PROSER1: variants seen among roughly 807,000 people sequenced by gnomAD.
PROSER1 encodes the protein proline and serine-rich protein 1.
PROSER1 carries 36 observed loss-of-function variants against 71.8 expected under a neutral mutation model. The observed-to-expected ratio is 0.50, with a 90% CI of 0.38 to 0.66. PROSER1 has a LOEUF of 0.66. PROSER1 is among the 30% of genes least tolerant of loss of function. PROSER1 has a pLI of 0.00. For missense variants in PROSER1, 1,107 were observed against 1,135.0 expected, an observed-to-expected ratio of 0.98 and a Z score of 0.35; for synonymous variants, 490 against 452.4, an observed-to-expected ratio of 1.08 and a Z score of -1.06.
intron 10 of PROSER1, among the ~76,000 whole-genome samples, chr13:39,016,639 T>C (rs1000978094): frequency 1.1e-4 from 16 of 152,170 alleles, no homozygotes; most frequent in African/African-American, 3.9e-4. Context: ...AAGCTGAAAT[T>C]TCCTCAATCT....
chr13:39,014,387 C>T lies in PROSER1; in HGVS notation c.865G>A (p.Val289Ile). Residue 289 changes from valine to isoleucine, a missense_variant, in exon 11 of 13, where the codon GTC becomes ATC. Coordinates refer to ENST00000352251, the MANE Select transcript of PROSER1 (RefSeq NM_025138.5). ...GCTGATGGATGATTAATTGCCTTGA[C>T]TGGGGATGCAGTAGGAACAGGAGTT... Reference protein sequence around the residue: ...AATPVPTASPVKAINHPSASA... With the variant: ...AATPVPTASPIKAINHPSASA... The T allele has an allele frequency of 1.2e-6, 2 of 1,613,968 alleles. No individual in the cohort carries two copies. Among genetic ancestry groups the T allele is most frequent in the South Asian group, 2.2e-5 (2 of 91,056 alleles).
At position 39,012,841 on chromosome 13, in the gene PROSER1, G is replaced by A. The variant is rs763559956; in HGVS notation, c.2411C>T (p.Pro804Leu). The change falls in exon 11 of 13, where the codon CCC becomes CTC. Residue 804 changes from proline to leucine, a missense_variant. Transcript: ENST00000352251. ...SNTPSVTPAL[P>L]SFPGLQAPST... Reference sequence around the variant, plus strand: ...GGGCGCCTGCAGCCCCGGGAATGAGGGAAGAGCAGGGGTAACGCTTGGGGT... The same window carrying A: ...GGGCGCCTGCAGCCCCGGGAATGAGAGAAGAGCAGGGGTAACGCTTGGGGT... 1.9e-6 allele frequency: 3 copies of A among 1,614,184 alleles called. No homozygotes were observed. The highest frequency in any genetic ancestry group is 1.3e-5 in the African/African-American group (1 of 75,046).
intron 9 of PROSER1, 36 bp from the exon 10 acceptor site, chr13:39,017,580 T>C (rs1489128179): frequency 9.0e-7 from 1 of 1,116,258 alleles, no homozygotes; most frequent in South Asian, 1.4e-5. Flanking sequence ...TTTTAAACTT[T>C]AATCAAATAT....
At chr13:39,023,029 T>TA (rs746633520) in intron 8 of PROSER1, 23 bp downstream of exon 8, 60 of 1,585,888 alleles carry the variant, frequency 3.8e-5, no homozygotes, top group Admixed American at 8.6e-5. Context: ...GAAAAACAAG[T>TA]AAAAAATAAG....
intron 6 of PROSER1, among the ~76,000 whole-genome samples, chr13:39,025,215 T>A (rs1870491417): frequency 6.6e-6 from 1 of 152,180 alleles, no homozygotes; most frequent in Non-Finnish European, 1.5e-5. Context: ...ATTTATATTG[T>A]CAAGGGTAAA....
chr13:39,022,975 T>A (rs898468746), intron 8 of PROSER1, 77 bp downstream of exon 8: 6 of 1,257,750 alleles, frequency 4.8e-6, no homozygotes, highest in African/African-American at 3.0e-5. Context: ...GCCAACCACA[T>A]AGACCAGCAT....
intron 12 of PROSER1, 100 bp from the exon 13 acceptor site, chr13:39,011,587 G>T: frequency 8.2e-7 from 1 of 1,224,200 alleles, no homozygotes; most frequent in South Asian, 1.5e-5. Flanking sequence ...GAATAGGAAA[G>T]AAAGACAAGA....
chr13:39,034,106 T>C (rs778582253), intron 2 of PROSER1, 25 bp downstream of exon 2: 1 of 1,504,164 alleles, frequency 6.6e-7, no homozygotes, highest in East Asian at 2.4e-5. Context: ...AAGAAAGCTT[T>C]GTTTAAACAA....
At chr13:39,024,614 T>TA in intron 6 of PROSER1, 58 bp from the exon 7 acceptor site, 1 of 1,230,826 alleles carries the variant, frequency 8.1e-7, no homozygotes, top group Non-Finnish European at 1.1e-6. Context: ...CTCAAACCAG[T>TA]AACAATAACC....
chr13:39,020,969 A>G (rs1297717564), intron 9 of PROSER1, among the ~76,000 whole-genome samples: 1 of 152,198 alleles, frequency 6.6e-6, no homozygotes, highest in Non-Finnish European at 1.5e-5. Flanking sequence ...ATACTTCTCC[A>G]TAGCACGTCA....
chr13:39,015,068 C>T (rs1453047533), intron 10 of PROSER1, among the ~76,000 whole-genome samples: 1 of 152,136 alleles, frequency 6.6e-6, no homozygotes, highest in Admixed American at 6.5e-5. Context: ...CCTTACCTGG[C>T]AACTCCTTTA....
chr13:39,012,503 G>T, intron 11 of PROSER1, 188 bp downstream of exon 11: 1 of 639,782 alleles, frequency 1.6e-6, no homozygotes, highest in Non-Finnish European at 2.7e-6. Context: ...TCCAAACATT[G>T]TATCAACAGG....
intron 5 of PROSER1, among the ~76,000 whole-genome samples, chr13:39,026,848 C>T (rs998563591): frequency 1.1e-4 from 16 of 152,090 alleles, no homozygotes; most frequent in African/African-American, 3.6e-4. Flanking sequence ...GTCCAAAGAC[C>T]TACATACCGT....
At chr13:39,027,711 C>A (rs55717716) in intron 5 of PROSER1, among the ~76,000 whole-genome samples, 10,479 of 152,232 alleles carry the variant, frequency 0.069, 499 homozygotes, top group Non-Finnish European at 0.099. Context: ...AGCTTCCAGA[C>A]ATCGCAATCC....
intron 11 of PROSER1, 67 bp downstream of exon 11, chr13:39,012,624 G>A: frequency 1.6e-6 from 2 of 1,251,300 alleles, no homozygotes; most frequent in Non-Finnish European, 2.2e-6. Flanking sequence ...TTGATGACTT[G>A]AAATGAAATG....
intron 1 of PROSER1, among the ~76,000 whole-genome samples, chr13:39,035,613 T>C (rs540468814): frequency 1.3e-5 from 2 of 152,320 alleles, no homozygotes; most frequent in African/African-American, 2.4e-5. Context: ...CAGTTAACCA[T>C]TGCTTTTTCC....
rs1870377943 is a variant in PROSER1, at chr13:39,023,140, G to A, written c.565-10C>T. The A allele has an allele frequency of 1.2e-6, 2 of 1,603,548 alleles. No individual in the cohort carries two copies. The highest frequency in any genetic ancestry group is 2.2e-5 in the East Asian group (1 of 44,810). The stretch of plus-strand genomic sequence containing the variant: ...TATATGTTGAAGGAGGCTAAAACAT[G>A]GGGGAAAATACAGCAGTTAGAAGAA... On this transcript the variant is annotated splice_polypyrimidine_tract_variant and intron_variant, in intron 7 of 12. Coordinates refer to ENST00000352251, the MANE Select transcript of PROSER1 (RefSeq NM_025138.5).
In PROSER1 at chr13:39,026,380, T is replaced by C. The variant is rs777142512; in HGVS notation, c.377A>G (p.Lys126Arg). The C allele has an allele frequency of 4.4e-6, 7 of 1,606,710 alleles. No individual in the cohort carries two copies. Among genetic ancestry groups the C allele is most frequent in the East Asian group, 4.5e-5 (2 of 44,776 alleles). The change falls in exon 6 of 13, where the codon AAG becomes AGG. Residue 126 changes from lysine (K) to arginine (R), a missense_variant. Physicochemically the swap from Lys to Arg is conservative, Grantham distance 26 (BLOSUM62 2). Transcript: ENST00000352251. ...AGCATGAGGAGCTTTGCAGCCCCCC[T>C]TGAAAGCCTGTAATATAAGAAAGAA... ...RCKRILEQAF[K>R]GGCKAPHAMI...
At chr13:39,018,497 C>A (rs74456774) in intron 9 of PROSER1, among the ~76,000 whole-genome samples, 7,931 of 118,948 alleles carry the variant, frequency 0.067, 227 homozygotes, top group African/African-American at 0.1. Flanking sequence ...CACACACACA[C>A]ACACACACAC....
Sources: allele counts gnomAD v4.1 joint callset (sites outside exome capture counted in the v4.1 genomes callset), GRCh38; gene constraint gnomAD v4.1.1; transcripts MANE v1.5; gene names NCBI Gene and HGNC (gene_info 2026-07-23, HGNC 2026-07-21).